Variants in KAZN observed in about 807,000 individuals in gnomAD.
The protein encoded by KAZN is kazrin.
A neutral mutation model predicts 87.4 loss-of-function variants in KAZN; 40 were observed. That is an observed-to-expected ratio of 0.46 (90% CI 0.36 to 0.60). KAZN has a LOEUF of 0.60. Among genes scored for constraint, KAZN ranks in the 20% least tolerant of loss-of-function variants. KAZN has a pLI of 0.00. For synonymous variants in KAZN, 466 were observed against 458.3 expected (o/e 1.02, Z -0.22); for missense variants, 898 against 1,073.9 (o/e 0.84, Z 2.29).
chr1:14,424,937 T>A (rs1665636627), intron 2 of KAZN, among the ~76,000 whole-genome samples: 2 of 152,234 alleles, frequency 1.3e-5, no homozygotes, highest in Non-Finnish European at 2.9e-5. Context: ...CATAGCTAAA[T>A]CATCTTATAT....
At chr1:15,059,099 G>A (rs1316641770) in intron 5 of KAZN, among the ~76,000 whole-genome samples, 1 of 148,180 alleles carries the variant, frequency 6.7e-6, no homozygotes, top group East Asian at 2.0e-4. Context: ...CAGAAAACAG[G>A]CACTTTTTTT....
chr1:13,931,690 T>A (rs1640520433), intron 1 of KAZN, among the ~76,000 whole-genome samples: 2 of 152,188 alleles, frequency 1.3e-5, no homozygotes, highest in African/African-American at 4.8e-5. Flanking sequence ...CATGTGTGTG[T>A]GTGTATTTGG....
chr1:14,130,286 A>G (rs1021566306), intron 1 of KAZN, among the ~76,000 whole-genome samples: 11 of 152,142 alleles, frequency 7.2e-5, no homozygotes, highest in African/African-American at 2.7e-4. Context: ...TCCAGCCATC[A>G]GTGGGGACTT....
chr1:14,791,307 G>A (rs1277275261), intron 1 of KAZN, among the ~76,000 whole-genome samples: 1 of 152,200 alleles, frequency 6.6e-6, no homozygotes, highest in Non-Finnish European at 1.5e-5. Flanking sequence ...GGCTTTGGAG[G>A]AGGGCTGAGT....
chr1:15,052,841 A>G (rs114166727), intron 4 of KAZN, among the ~76,000 whole-genome samples: 145 of 152,258 alleles, frequency 9.5e-4, no homozygotes, highest in African/African-American at 3.4e-3. Flanking sequence ...GTCAGGTAGC[A>G]AGGATGTCAA....
chr1:14,460,766 A>T (rs1317610567), intron 2 of KAZN, among the ~76,000 whole-genome samples: 1 of 152,232 alleles, frequency 6.6e-6, no homozygotes, highest in East Asian at 1.9e-4. Context: ...TTGGGAAAAC[A>T]GAGATACTTC....
At chr1:13,925,958 C>A (rs370427418) in intron 1 of KAZN, among the ~76,000 whole-genome samples, 31 of 151,952 alleles carry the variant, frequency 2.0e-4, no homozygotes, top group African/African-American at 7.3e-4. Context: ...CTGGGTGGCC[C>A]ATAGGATGGA....
At chr1:14,049,771 G>T (rs900726603) in intron 1 of KAZN, among the ~76,000 whole-genome samples, 10 of 152,222 alleles carry the variant, frequency 6.6e-5, no homozygotes, top group African/African-American at 1.9e-4. Flanking sequence ...TGGCACTGGG[G>T]TGATAGTGAG....
intron 1 of KAZN, among the ~76,000 whole-genome samples, chr1:14,703,594 C>A (rs559748479): frequency 6.6e-6 from 1 of 152,304 alleles, no homozygotes; most frequent in East Asian, 1.9e-4. Context: ...TCAGGTATGT[C>A]TTTATTAGCA....
At chr1:15,007,450 C>T (rs78597978) in intron 2 of KAZN, among the ~76,000 whole-genome samples, 11,391 of 152,294 alleles carry the variant, frequency 0.075, 510 homozygotes, top group East Asian at 0.19. Context: ...GCACACTGCA[C>T]TAGGCTGGGA....
intron 1 of KAZN, among the ~76,000 whole-genome samples, chr1:14,178,177 G>T (rs1409575062): frequency 2.6e-5 from 4 of 152,126 alleles, no homozygotes; most frequent in Non-Finnish European, 5.9e-5. Flanking sequence ...ATGATTTTAA[G>T]TTTCCTGAGG....
At chr1:14,550,771 CT>C (rs1286539306) in intron 2 of KAZN, among the ~76,000 whole-genome samples, 1 of 128,516 alleles carries the variant, frequency 7.8e-6, no homozygotes, top group East Asian at 2.7e-4. Flanking sequence ...CCCCTTCCCC[CT>C]ACTCCTGCTT....
chr1:14,149,277 A>AAT (rs768877102), intron 1 of KAZN, among the ~76,000 whole-genome samples: 15 of 142,040 alleles, frequency 1.1e-4, no homozygotes, highest in African/African-American at 3.9e-4. Flanking sequence ...AATTTTTTGT[A>AAT]TTTTTTTTTT....
intron 1 of KAZN, among the ~76,000 whole-genome samples, chr1:14,608,616 A>C (rs2148615953): frequency 6.6e-6 from 1 of 152,326 alleles, no homozygotes; most frequent in Admixed American, 6.5e-5. Context: ...CCCCCAGAGA[A>C]AGAGCGCGTC....
At position 14,982,012 on chromosome 1, in the gene KAZN, C is replaced by A. The variant is rs115166326; in HGVS notation, c.418+21137C>A. Among the ~76,000 whole-genome samples the A allele has an allele frequency of 3.1e-3, 474 of 152,262 alleles. 5 individuals carry two copies. Among genetic ancestry groups the A allele is most frequent in the African/African-American group, 0.011 (454 of 41,546 alleles). The stretch of plus-strand genomic sequence containing the variant: ...TCAGCTGTGATCTAAATGAGGCTGT[C>A]CCCTGCATGGAGTTAACGTTTGCCT... On this transcript the variant is annotated intron_variant, in intron 2 of 14. Transcript: ENST00000376030.
At chr1:13,994,897 A>AACAT in intron 1 of KAZN, among the ~76,000 whole-genome samples, 1 of 134,380 alleles carries the variant, frequency 7.4e-6, no homozygotes, top group Non-Finnish European at 1.6e-5. Context: ...CAAACAAACA[A>AACAT]ACCTTGAAAG....
intron 1 of KAZN, among the ~76,000 whole-genome samples, chr1:14,122,789 A>G (rs1644779682): frequency 6.6e-6 from 1 of 152,198 alleles, no homozygotes; most frequent in Non-Finnish European, 1.5e-5. Flanking sequence ...GTAGATTTCT[A>G]CAACATCATG....
At chr1:14,762,602 G>A (rs1481822537) in intron 1 of KAZN, among the ~76,000 whole-genome samples, 4 of 152,146 alleles carry the variant, frequency 2.6e-5, no homozygotes, top group East Asian at 1.9e-4. Context: ...GCAGGCGCCT[G>A]TAGTCCCAGC....
At chr1:14,979,712 T>C (rs1666039556) in intron 2 of KAZN, among the ~76,000 whole-genome samples, 1 of 152,052 alleles carries the variant, frequency 6.6e-6, no homozygotes, top group South Asian at 2.1e-4. Context: ...TGATAGACAT[T>C]GGAATTGATG....
Sources: gnomAD v4.1 joint callset for allele counts (sites outside exome capture counted in the v4.1 genomes callset) on GRCh38, gnomAD v4.1.1 for gene constraint, MANE v1.5 for transcripts, NCBI Gene and HGNC (gene_info 2026-07-23, HGNC 2026-07-21) for gene names.